The following CDH18 variants were observed in gnomAD, a reference collection of about 807,000 sequenced individuals.
CDH18 encodes the protein cadherin 18, also known as cadherin-18.
A neutral mutation model predicts 67.9 loss-of-function variants in CDH18; 31 were observed. The observed-to-expected ratio is 0.46, with a 90% CI of 0.34 to 0.62. The LOEUF is 0.62. CDH18 is among the 20% of genes least tolerant of loss of function. The pLI is 0.01. For missense variants in CDH18, 890 were observed against 975.5 expected, an observed-to-expected ratio of 0.91 and a Z score of 1.17; for synonymous variants, 362 against 347.2, an observed-to-expected ratio of 1.04 and a Z score of -0.48.
At chr5:19,966,671 T>A (rs1055015216) in intron 2 of CDH18, among the ~76,000 whole-genome samples, 1 of 152,038 alleles carries the variant, frequency 6.6e-6, no homozygotes, top group African/African-American at 2.4e-5. Context: ...CAAAGCCTGT[T>A]TTTTTTCTGG....
At chr5:20,423,501 G>A (rs1459312726) in intron 1 of CDH18, among the ~76,000 whole-genome samples, 1 of 150,756 alleles carries the variant, frequency 6.6e-6, no homozygotes, top group Non-Finnish European at 1.5e-5. Context: ...CCAAAATAAA[G>A]AAACGCAAAA....
intron 3 of CDH18, among the ~76,000 whole-genome samples, chr5:19,813,736 G>T (rs1389089719): frequency 6.6e-6 from 1 of 152,036 alleles, no homozygotes; most frequent in Non-Finnish European, 1.5e-5. Flanking sequence ...AATTGAGAGT[G>T]TCATAAACCA....
At chr5:20,490,846 C>A (rs1753544246) in intron 1 of CDH18, among the ~76,000 whole-genome samples, 1 of 152,104 alleles carries the variant, frequency 6.6e-6, no homozygotes, top group South Asian at 2.1e-4. Flanking sequence ...CAGCTTAATA[C>A]CTTGTACATA....
chr5:20,282,200 T>C (rs144358320), intron 1 of CDH18, among the ~76,000 whole-genome samples: 1,592 of 152,288 alleles, frequency 0.01, 17 homozygotes, highest in Non-Finnish European at 0.016. Flanking sequence ...TTGAATACCC[T>C]TTATTTCTTT....
intron 1 of CDH18, chr5:20,331,410 C>G (rs1383791362): frequency 6.6e-6 from 1 of 152,126 alleles, no homozygotes; most frequent in Non-Finnish European, 1.5e-5. Flanking sequence ...TGAAAACACA[C>G]AAGATTTCAC....
chr5:19,940,726 TC>T (rs1400615866), intron 2 of CDH18, among the ~76,000 whole-genome samples: 1 of 152,028 alleles, frequency 6.6e-6, no homozygotes, highest in Admixed American at 6.6e-5. Context: ...GGTCCTCTAA[TC>T]ACCCCGATTA....
At chr5:19,924,677 T>A (rs538938505) in intron 2 of CDH18, among the ~76,000 whole-genome samples, 2 of 152,230 alleles carry the variant, frequency 1.3e-5, no homozygotes, top group East Asian at 3.9e-4. Context: ...AAATTTTGAC[T>A]AATAGGACAT....
At chr5:20,508,366 T>C (rs1325439912) in intron 1 of CDH18, among the ~76,000 whole-genome samples, 1 of 137,470 alleles carries the variant, frequency 7.3e-6, no homozygotes, top group African/African-American at 2.7e-5. Context: ...TATATATATA[T>C]GTATATTTAT....
chr5:19,925,115 G>A (rs981473267), intron 2 of CDH18, among the ~76,000 whole-genome samples: 2 of 152,132 alleles, frequency 1.3e-5, no homozygotes, highest in African/African-American at 4.8e-5. Context: ...TAAGAAAAAT[G>A]TTAAGAAAAT....
intron 5 of CDH18, among the ~76,000 whole-genome samples, chr5:19,667,325 T>C (rs1327654140): frequency 1.3e-5 from 2 of 151,486 alleles, no homozygotes; most frequent in African/African-American, 4.8e-5. Context: ...GCATACTTCA[T>C]AGTCAATATT....
At chr5:19,618,633 A>C (rs1464296327) in intron 5 of CDH18, among the ~76,000 whole-genome samples, 2 of 152,196 alleles carry the variant, frequency 1.3e-5, no homozygotes, top group African/African-American at 4.8e-5. Context: ...TAATAACTAA[A>C]TCATGTAAAG....
At chr5:20,010,736 G>A (rs1476913156) in intron 2 of CDH18, among the ~76,000 whole-genome samples, 3 of 152,010 alleles carry the variant, frequency 2.0e-5, no homozygotes, top group Admixed American at 1.3e-4. Context: ...TCCCAGACTT[G>A]CTTTTTCTAT....
chr5:20,275,906 C>A (rs946027461), intron 1 of CDH18, among the ~76,000 whole-genome samples: 5 of 152,054 alleles, frequency 3.3e-5, no homozygotes, highest in Non-Finnish European at 5.9e-5. Flanking sequence ...GGGGACTTTG[C>A]ATCAGAACTC....
rs187772140 is a variant in CDH18 at position 20,160,240 on chromosome 5, T to C, written c.-518+95204A>G. On this transcript the variant is annotated intron_variant, in intron 2 of 14. Coordinates refer to the CDH18 transcript ENST00000507958. The stretch of plus-strand genomic sequence containing the variant: ...ACCTGTTTAACTATTAAGATCAGAG[T>C]ATAGTTGTTGCATTTTGATGGCCAC... 7.9e-5 allele frequency among the ~76,000 whole-genome samples: 12 copies of C among 152,318 alleles called. No individual in the cohort carries two copies. The East Asian group carries it at 1.9e-3, about 25-fold the overall frequency.
At chr5:19,552,646 A>T (rs1737663182) in intron 8 of CDH18, among the ~76,000 whole-genome samples, 1 of 152,188 alleles carries the variant, frequency 6.6e-6, no homozygotes, top group Non-Finnish European at 1.5e-5. Context: ...AAGTTGTATG[A>T]TCAATGATCA....
At chr5:19,638,939 C>T (rs916351716) in intron 5 of CDH18, among the ~76,000 whole-genome samples, 6 of 136,168 alleles carry the variant, frequency 4.4e-5, no homozygotes, top group African/African-American at 1.7e-4. Context: ...CTGCTTTCAT[C>T]CCACCCCTCC....
intron 2 of CDH18, among the ~76,000 whole-genome samples, chr5:20,137,524 C>T (rs536862209): frequency 2.1e-4 from 32 of 151,926 alleles, no homozygotes; most frequent in Middle Eastern, 3.2e-3. Flanking sequence ...GTAATGGGTT[C>T]GAAAATCCTC....
At chr5:20,450,507 C>T (rs745787974) in intron 1 of CDH18, among the ~76,000 whole-genome samples, 1 of 152,020 alleles carries the variant, frequency 6.6e-6, no homozygotes, top group Non-Finnish European at 1.5e-5. Context: ...CATTGTAATG[C>T]ATTTTCTACC....
chr5:19,703,998 A>T (rs1465003994), intron 5 of CDH18, among the ~76,000 whole-genome samples: 1 of 152,132 alleles, frequency 6.6e-6, no homozygotes, highest in Non-Finnish European at 1.5e-5. Flanking sequence ...TCAAATTATT[A>T]TATCTACTTC....
Sources: allele counts gnomAD v4.1 joint callset (sites outside exome capture counted in the v4.1 genomes callset), GRCh38; gene constraint gnomAD v4.1.1; transcripts MANE v1.5; gene names NCBI Gene and HGNC (gene_info 2026-07-23, HGNC 2026-07-21).